Variants in XKR9 observed in about 807,000 individuals in gnomAD.
XKR9 encodes XK-related protein 9.
In XKR9, 32 loss-of-function variants were observed where a neutral mutation model predicts 32.0. That is an observed-to-expected ratio of 1.00 (90% CI 0.76 to 1.34). The LOEUF (loss-of-function observed/expected upper bound fraction) is 1.34, where lower values mean the gene tolerates loss of function less well. Ranked by LOEUF, XKR9 falls within the 40% of genes most tolerant of loss-of-function variation. The probability of loss-of-function intolerance (pLI) is 0.00; values close to 1 mark genes in which losing one functional copy is unlikely to be tolerated. For missense variants in XKR9, 546 were observed against 429.7 expected (o/e 1.27, Z -2.39); for synonymous variants, 168 against 143.4 (o/e 1.17, Z -1.22).
chr8:70,986,266 G>A, the XKR9 span, among the ~76,000 whole-genome samples: 48,254 of 151,810 alleles, frequency 0.32, 8,936 homozygotes, highest in Non-Finnish European at 0.43. Flanking sequence ...CCATAAAATA[G>A]GAGCACCAAC....
chr8:71,037,928 A>G, the XKR9 span, among the ~76,000 whole-genome samples: 1 of 152,188 alleles, frequency 6.6e-6, no homozygotes, highest in Non-Finnish European at 1.5e-5. Context: ...CTGTCTTTGG[A>G]CAACAAAAAC....
the XKR9 span, among the ~76,000 whole-genome samples, chr8:70,910,400 G>A: frequency 6.6e-6 from 1 of 152,044 alleles, no homozygotes; most frequent in East Asian, 1.9e-4. Flanking sequence ...TACTAATTGG[G>A]GATATGGGCT....
the XKR9 span, among the ~76,000 whole-genome samples, chr8:70,949,108 T>TA: frequency 2.0e-5 from 3 of 151,708 alleles, no homozygotes; most frequent in African/African-American, 2.4e-5. Context: ...CACATTTAAG[T>TA]AAAAAAAAAT....
chr8:70,967,769 C>G, the XKR9 span, among the ~76,000 whole-genome samples: 10 of 151,956 alleles, frequency 6.6e-5, no homozygotes, highest in African/African-American at 2.4e-4. Context: ...GGCTCCCAAT[C>G]TCTTCTGGCT....
At chr8:70,822,897 A>G in the XKR9 span, among the ~76,000 whole-genome samples, 1 of 152,216 alleles carries the variant, frequency 6.6e-6, no homozygotes, top group Non-Finnish European at 1.5e-5. Flanking sequence ...TTAGAAACAC[A>G]TAAGGGTTCT....
intron 2 of XKR9, among the ~76,000 whole-genome samples, chr8:70,765,696 A>G (rs925629137): frequency 3.9e-5 from 6 of 152,194 alleles, no homozygotes; most frequent in Non-Finnish European, 5.9e-5. Context: ...TATGTCCTGA[A>G]TGGTACTGCC....
the XKR9 span, among the ~76,000 whole-genome samples, chr8:71,064,401 T>TATATATATATAAACATATATATAAACA: frequency 6.6e-6 from 1 of 152,300 alleles, no homozygotes; most frequent in Non-Finnish European, 1.5e-5. Flanking sequence ...TATATTGAGT[T>TATATATATATAAACATATATATAAACA]TTTATGTTTA....
chr8:71,047,513 T>C, the XKR9 span, among the ~76,000 whole-genome samples: 5 of 152,226 alleles, frequency 3.3e-5, no homozygotes, highest in African/African-American at 1.2e-4. Flanking sequence ...TCATGTGTAG[T>C]AAATGAAGTT....
chr8:70,739,660 T>C (rs556072520), downstream of XKR9, among the ~76,000 whole-genome samples: 2,441 of 151,568 alleles, frequency 0.016, 62 homozygotes, highest in African/African-American at 0.057. Flanking sequence ...TAGGGCAAGC[T>C]TGGTGGTGAC....
At chr8:70,712,278 A>G (rs550243680) in intron 4 of XKR9, among the ~76,000 whole-genome samples, 1 of 152,300 alleles carries the variant, frequency 6.6e-6, no homozygotes, top group South Asian at 2.1e-4. Flanking sequence ...ATATCTAAAA[A>G]TATTGGATAA....
At chr8:70,693,632 C>G (rs765262423) in intron 3 of XKR9, among the ~76,000 whole-genome samples, 39 of 152,250 alleles carry the variant, frequency 2.6e-4, no homozygotes, top group Non-Finnish European at 5.6e-4. Context: ...TGCTTGACTC[C>G]GAGGGGCTCC....
the XKR9 span, among the ~76,000 whole-genome samples, chr8:70,824,281 T>C: frequency 4.2e-4 from 64 of 152,276 alleles, no homozygotes; most frequent in Non-Finnish European, 1.9e-4. Flanking sequence ...ACAATACTTA[T>C]AAGTTATTTT....
chr8:70,878,083 TA>T, the XKR9 span, among the ~76,000 whole-genome samples: 3 of 152,022 alleles, frequency 2.0e-5, no homozygotes, highest in African/African-American at 7.3e-5. Context: ...GCAGGAGAAA[TA>T]AAATCCTTTA....
the XKR9 span, among the ~76,000 whole-genome samples, chr8:71,051,850 C>A: frequency 8.5e-5 from 13 of 152,240 alleles, no homozygotes; most frequent in East Asian, 2.3e-3. Flanking sequence ...GCATGCAATG[C>A]GTGAATAATT....
chr8:71,055,120 T>C, the XKR9 span, among the ~76,000 whole-genome samples: 1 of 152,234 alleles, frequency 6.6e-6, no homozygotes, highest in African/African-American at 2.4e-5. Context: ...TTTTAATCTT[T>C]AATATACTCA....
chr8:70,927,235 A>G, the XKR9 span, among the ~76,000 whole-genome samples: 2 of 151,940 alleles, frequency 1.3e-5, no homozygotes, highest in East Asian at 3.9e-4. Flanking sequence ...GAAAGCAGCC[A>G]GGAGTGGTTT....
At chr8:70,795,757 C>T in the XKR9 span, among the ~76,000 whole-genome samples, 5 of 151,602 alleles carry the variant, frequency 3.3e-5, no homozygotes, top group East Asian at 1.9e-4. Flanking sequence ...TTTTTTCATA[C>T]GGTTTTTGGC....
chr8:71,056,711 A>C, the XKR9 span, among the ~76,000 whole-genome samples: 2 of 152,210 alleles, frequency 1.3e-5, no homozygotes, highest in African/African-American at 2.4e-5. Flanking sequence ...AGTGCTCTGT[A>C]ACTATTAGTT....
chr8:70,901,855 C>A, the XKR9 span, among the ~76,000 whole-genome samples: 1 of 152,118 alleles, frequency 6.6e-6, no homozygotes, highest in African/African-American at 2.4e-5. Context: ...AGGAAGGGAT[C>A]CAGTTTCAGC....
Sources: allele counts gnomAD v4.1 joint callset (sites outside exome capture counted in the v4.1 genomes callset), GRCh38; gene constraint gnomAD v4.1.1; transcripts MANE v1.5; gene names NCBI Gene and HGNC (gene_info 2026-07-23, HGNC 2026-07-21).